Variants in RHOBTB2 observed in about 807,000 individuals in gnomAD.
The protein encoded by RHOBTB2 is rho-related BTB domain-containing protein 2.
RHOBTB2 carries 39 observed loss-of-function variants against 66.5 expected under a neutral mutation model. That is an observed-to-expected ratio of 0.59 (90% CI 0.45 to 0.77). RHOBTB2 has a LOEUF of 0.77. Ranked by LOEUF, RHOBTB2 falls within the 30% of genes least tolerant of loss-of-function variation. The pLI is 0.00. For missense variants in RHOBTB2, 755 were observed against 999.1 expected (o/e 0.76, Z 3.29); for synonymous variants, 390 against 395.0 (o/e 0.99, Z 0.15).
chr8:23,001,095 G>A (rs567138952), intron 1 of RHOBTB2, among the ~76,000 whole-genome samples: 3 of 152,184 alleles, frequency 2.0e-5, no homozygotes, highest in Non-Finnish European at 4.4e-5. Context: ...CTGGGAGAGC[G>A]GTGGGCAGGA....
At chr8:22,995,910 T>C (rs1362904928), upstream of RHOBTB2, 1 of 1,549,294 alleles carries the variant, frequency 6.5e-7, no homozygotes, top group African/African-American at 1.4e-5. Context: ...TGTTGAAGGG[T>C]AAAGCTGCCT....
Position 23,017,282 on chromosome 8 carries a change from G to A in RHOBTB2, c.1997G>A (p.Trp666Ter). The stretch of plus-strand genomic sequence containing the variant: ...CAGGAGTATTTCGAGAAGCATCGGT[G>A]GCCACCTGTGTGGTACCTGAAGGAG... ...ENQEYFEKHR[W>*]PPVWYLKEED... Residue 666 changes from tryptophan (W) to a stop codon, truncating the protein, a stop_gained, in exon 10 of 10, where the codon TGG (tryptophan) becomes TAG (stop). Transcript: ENST00000251822. LOFTEE classifies it high-confidence loss of function. This position sits in a 1 kb window ranked among gnomAD's most constrained non-coding sequence, Gnocchi z 5.3. The A allele has an allele frequency of 6.2e-7, 1 of 1,614,168 alleles. No homozygotes were observed. The highest frequency in any genetic ancestry group is 8.5e-7 in the Non-Finnish European group (1 of 1,180,040).
chr8:23,000,526 A>G (rs958036049), intron 1 of RHOBTB2, among the ~76,000 whole-genome samples: 4 of 152,148 alleles, frequency 2.6e-5, no homozygotes, highest in African/African-American at 9.7e-5. Context: ...ATTGCAGTCT[A>G]TGTAACTGAG....
At chr8:22,993,735 G>A (rs1468290303) in intron 2 of RHOBTB2, among the ~76,000 whole-genome samples, 4 of 152,176 alleles carry the variant, frequency 2.6e-5, no homozygotes, top group Non-Finnish European at 4.4e-5. Context: ...CTGAAGGGTT[G>A]TCACAGAAGT....
At chr8:22,960,664 A>G in the RHOBTB2 span, among the ~76,000 whole-genome samples, 1 of 152,170 alleles carries the variant, frequency 6.6e-6, no homozygotes, top group Non-Finnish European at 1.5e-5. Flanking sequence ...GCTACAGATC[A>G]CAGTGCACAG....
chr8:23,003,905 A>G, intron 1 of RHOBTB2: 1 of 191,828 alleles, frequency 5.2e-6, no homozygotes, highest in Non-Finnish European at 1.1e-5. Context: ...AGGGCAAGGG[A>G]AAGAGTGGAG....
At chr8:22,956,358 G>C in the RHOBTB2 span, among the ~76,000 whole-genome samples, 2 of 152,128 alleles carry the variant, frequency 1.3e-5, no homozygotes, top group Non-Finnish European at 2.9e-5. Context: ...GGAGGTAATT[G>C]GATCATGGGA....
At position 22,999,884 on chromosome 8, in the gene RHOBTB2, C is replaced by T. The variant is rs942388245; in HGVS notation, c.-232C>T. 7.1e-6 allele frequency: 7 copies of T among 985,092 alleles called. No homozygotes were observed. The African/African-American group carries it at 1.0e-4, about 15-fold the overall frequency. The allele number at this position is 985,092 out of a possible 1,614,324, so 61.0% of individuals were successfully genotyped here. A position where few individuals can be genotyped will look rare whatever the true frequency, so the allele number is the denominator to read the frequency against. On this transcript the variant is annotated 5_prime_UTR_variant, in exon 1 of 10. Coordinates refer to ENST00000251822, the MANE Select transcript of RHOBTB2 (RefSeq NM_015178.3). ...GGGGCAGCGGCTGCAGTGCAGCGCG[C>T]GCGTCCGCTCCTGGGCCCACGTCCG...
Position 23,017,678 on chromosome 8 carries a change from C to G in RHOBTB2, c.*209C>G. The G allele has an allele frequency of 1.4e-6, 1 of 705,102 alleles. No individual in the cohort carries two copies. Among genetic ancestry groups the G allele is most frequent in the South Asian group, 2.0e-5 (1 of 51,076 alleles). The allele number at this position is 705,102 out of a possible 1,614,324, so 43.7% of individuals were successfully genotyped here. ...AGAACGGGAACCACCTGCAGAGGTCCCCAGACCCAAAGCAGGACGGGAGAC... is the reference window on the plus strand; with the variant it reads ...AGAACGGGAACCACCTGCAGAGGTCGCCAGACCCAAAGCAGGACGGGAGAC... On this transcript the variant is annotated 3_prime_UTR_variant, in exon 10 of 10. Coordinates refer to ENST00000251822, the MANE Select transcript of RHOBTB2 (RefSeq NM_015178.3). The surrounding 1 kb of genome is among the most constrained non-coding windows in gnomAD (Gnocchi z 5.3).
chr8:23,015,075 A>G (rs1345699375), intron 8 of RHOBTB2, among the ~76,000 whole-genome samples: 4 of 152,108 alleles, frequency 2.6e-5, no homozygotes, highest in African/African-American at 9.7e-5. Flanking sequence ...GCCTGAGGTC[A>G]TTTAAGGGGC....
Position 23,017,186 on chromosome 8 carries a change from T to C in RHOBTB2, c.1967-66T>C. The C allele has an allele frequency of 1.3e-6, 2 of 1,591,012 alleles. No individual in the cohort carries two copies. The highest frequency in any genetic ancestry group is 1.2e-5 in the South Asian group (1 of 86,520). The stretch of plus-strand genomic sequence containing the variant: ...TGCAGGCCTTGTGGTGGGGTAGGGC[T>C]GGTGTCCCACGTTCCTCTTGTCCCT... On this transcript the variant is annotated intron_variant, in intron 9 of 9. Transcript: ENST00000251822. This position sits in a 1 kb window ranked among gnomAD's most constrained non-coding sequence, Gnocchi z 5.3.
intron 6 of RHOBTB2, 111 bp from the exon 7 acceptor site, chr8:23,010,427 C>A: frequency 7.9e-7 from 1 of 1,272,502 alleles, no homozygotes. Flanking sequence ...GAAGGCTGCC[C>A]GTCTGGGGGA....
upstream of RHOBTB2, chr8:22,999,495 C>T (rs1810690675): frequency 1.0e-6 from 1 of 995,380 alleles, no homozygotes; most frequent in Non-Finnish European, 1.2e-6. Flanking sequence ...TTCCCCCGCC[C>T]GCCCCCTCCC....
the RHOBTB2 span, among the ~76,000 whole-genome samples, chr8:22,961,616 C>T: frequency 4.6e-5 from 7 of 152,074 alleles, no homozygotes; most frequent in Admixed American, 6.6e-5. Context: ...ATCACTGAAA[C>T]GATATTCACA....
chr8:22,954,762 GA>G, the RHOBTB2 span, among the ~76,000 whole-genome samples: 1 of 151,828 alleles, frequency 6.6e-6, no homozygotes, highest in African/African-American at 2.4e-5. Context: ...AAATATGACA[GA>G]AAAAAAACCA....
rs1157172300 is a variant in RHOBTB2 at position 23,004,027 on chromosome 8, TTTG to T, written c.-10-392_-10-390del. The stretch of plus-strand genomic sequence containing the variant: ...TGGCCGACTCTGCTTCTCTCAGCTG[TTTG>T]TTGTTCTGCTGCCACTGCTCTGCCG... On this transcript the variant is annotated intron_variant, in intron 1 of 9. Transcript: ENST00000251822. This position sits in a 1 kb window ranked among gnomAD's most constrained non-coding sequence, Gnocchi z 6.4. The T allele has an allele frequency of 6.9e-6, 2 of 290,146 alleles. No individual in the cohort carries two copies. Among genetic ancestry groups the T allele is most frequent in the South Asian group, 6.8e-5 (2 of 29,536 alleles). 18.0% of individuals were successfully genotyped at this position (290,146 alleles called of 1,614,324 possible). A position where few individuals can be genotyped will look rare whatever the true frequency, so the allele number is the denominator to read the frequency against.
chr8:23,004,713 G>A lies in RHOBTB2; in HGVS notation c.192+87G>A. ...TGAGGCATAGCTTGGTGTCTCCAGA[G>A]CTCACGGGAGCCCTCTAGGGGTGGG... On this transcript the variant is annotated intron_variant, in intron 2 of 9. Coordinates refer to ENST00000251822, the MANE Select transcript of RHOBTB2 (RefSeq NM_015178.3). The surrounding 1 kb of genome is among the most constrained non-coding windows in gnomAD (Gnocchi z 6.4). The A allele has an allele frequency of 7.7e-7, 1 of 1,291,414 alleles. No individual in the cohort carries two copies. Among genetic ancestry groups the A allele is most frequent in the Non-Finnish European group, 1.1e-6 (1 of 926,608 alleles). 80.0% of individuals were successfully genotyped at this position (1,291,414 alleles called of 1,614,324 possible).
Position 23,014,707 on chromosome 8 carries a change from G to A in RHOBTB2, c.1789G>A (p.Gly597Arg), listed in dbSNP as rs777124605. 2.5e-5 allele frequency: 41 copies of A among 1,613,978 alleles called. No individual in the cohort carries two copies. The highest frequency in any genetic ancestry group is 3.3e-5 in the Admixed American group (2 of 60,002). Residue 597 changes from glycine to arginine, a missense_variant, in exon 8 of 10, where the codon GGG becomes AGG. By Grantham distance (125) the Gly-to-Arg change is moderately radical (BLOSUM62 -2). Coordinates refer to ENST00000251822, the MANE Select transcript of RHOBTB2 (RefSeq NM_015178.3). Reference sequence around the variant, plus strand: ...TGTTACAGAGCAGTACACAGTGACCGGGCTGATGGAAGCGACCCAGATGAT... The same window carrying A: ...TGTTACAGAGCAGTACACAGTGACCAGGCTGATGGAAGCGACCCAGATGAT... ...VALTEQYTVT[G>R]LMEATQMMVD...
Position 23,017,453 on chromosome 8 carries a change from C to A in RHOBTB2, c.2168C>A (p.Ser723Tyr). Reference protein sequence around the residue: ...SAASSSSPSSSSAVV With the variant: ...SAASSSSPSSYSAVV ...GCCTCCTCCTCATCCCCATCTTCCT[C>A]CTCGGCTGTGGTCTGAGATGCTGCC... Residue 723 changes from serine (S) to tyrosine (Y), a missense_variant, in exon 10 of 10, where the codon TCC becomes TAC. Coordinates refer to ENST00000251822, the MANE Select transcript of RHOBTB2 (RefSeq NM_015178.3). The surrounding 1 kb of genome is among the most constrained non-coding windows in gnomAD (Gnocchi z 5.3). 1 of 1,591,278 alleles carries A rather than the reference C, an allele frequency of 6.3e-7. No individual in the cohort carries two copies. Among genetic ancestry groups the A allele is most frequent in the Non-Finnish European group, 8.6e-7 (1 of 1,168,858 alleles).
Sources: allele counts gnomAD v4.1 joint callset (sites outside exome capture counted in the v4.1 genomes callset), GRCh38; gene constraint gnomAD v4.1.1; non-coding constraint Gnocchi (gnomAD v3.1); transcripts MANE v1.5; gene names NCBI Gene and HGNC (gene_info 2026-07-23, HGNC 2026-07-21).